Variants in PTPRG observed in about 807,000 individuals in gnomAD.
PTPRG encodes the protein receptor-type tyrosine-protein phosphatase gamma.
A neutral mutation model predicts 165.3 loss-of-function variants in PTPRG; 102 were observed. The ratio of observed to expected loss-of-function variants is 0.62; its 90% CI spans 0.53 to 0.73. The LOEUF (loss-of-function observed/expected upper bound fraction) is 0.73, where lower values mean the gene tolerates loss of function less well. Ranked by LOEUF, PTPRG falls within the 30% of genes least tolerant of loss-of-function variation. The pLI is 0.00. For missense variants in PTPRG, 1,866 were observed against 1,861.4 expected (o/e 1.00, Z -0.05); for synonymous variants, 675 against 669.5 (o/e 1.01, Z -0.13).
At chr3:62,056,910 A>C (rs77686744) in intron 4 of PTPRG, among the ~76,000 whole-genome samples, 2,337 of 152,344 alleles carry the variant, frequency 0.015, 51 homozygotes, top group African/African-American at 0.052. Flanking sequence ...ATTCATGGAC[A>C]CGAGAAGGAG....
At chr3:61,838,407 A>T (rs1338179337) in intron 2 of PTPRG, among the ~76,000 whole-genome samples, 2 of 152,172 alleles carry the variant, frequency 1.3e-5, no homozygotes, top group Non-Finnish European at 1.5e-5. Context: ...TTAGTTTCAA[A>T]ATAAGATGGC....
At chr3:61,658,318 T>C (rs1021102500) in intron 1 of PTPRG, among the ~76,000 whole-genome samples, 5 of 152,238 alleles carry the variant, frequency 3.3e-5, no homozygotes, top group Admixed American at 3.3e-4. Flanking sequence ...GACGGTGTCC[T>C]AGGACAGTGG....
At position 62,195,291 on chromosome 3, in the gene PTPRG, T is replaced by G; in HGVS notation, c.1327+121T>G. The G allele has an allele frequency of 1.1e-6, 1 of 925,402 alleles. No homozygotes were observed. The highest frequency in any genetic ancestry group is 1.5e-5 in the South Asian group (1 of 64,952). The allele number at this position is 925,402 out of a possible 1,614,324, so 57.3% of individuals were successfully genotyped here. A position where few individuals can be genotyped will look rare whatever the true frequency, so the allele number is the denominator to read the frequency against. Reference sequence around the variant, plus strand: ...AACAAGCCTGGCAGAAGAATCAGTGTAGGGTTTTAAAGCCTATGCGGGAAG... The same window carrying G: ...AACAAGCCTGGCAGAAGAATCAGTGGAGGGTTTTAAAGCCTATGCGGGAAG... On this transcript the variant is annotated intron_variant, in intron 10 of 29. Coordinates refer to ENST00000474889, the MANE Select transcript of PTPRG (RefSeq NM_002841.4). The surrounding 1 kb of genome is among the most constrained non-coding windows in gnomAD (Gnocchi z 4.4).
chr3:62,231,258 CAGACGTT>C lies in PTPRG; in HGVS notation c.2323_2329del (p.Arg775SerfsTer86). On this transcript the variant is annotated frameshift_variant, in exon 14 of 30. Coordinates refer to ENST00000474889, the MANE Select transcript of PTPRG (RefSeq NM_002841.4). LOFTEE classifies it high-confidence loss of function. ...ACAAAATAAAGTCCAAGGGCTTTCCCAGACGTTTCCGTGAAGTGCCTTCTTCTGGGGA... is the reference window on the plus strand; with the variant it reads ...ACAAAATAAAGTCCAAGGGCTTTCCCTCCGTGAAGTGCCTTCTTCTGGGGA... The C allele has an allele frequency of 1.3e-6, 2 of 1,592,254 alleles. No individual in the cohort carries two copies. The highest frequency in any genetic ancestry group is 1.7e-6 in the Non-Finnish European group (2 of 1,168,976).
At chr3:61,695,054 A>G (rs2106676665) in intron 1 of PTPRG, among the ~76,000 whole-genome samples, 1 of 150,872 alleles carries the variant, frequency 6.6e-6, no homozygotes. Context: ...CTTGTCATCC[A>G]GGCTGGAGTG....
chr3:61,981,434 T>C (rs1559726959), intron 2 of PTPRG, among the ~76,000 whole-genome samples: 2 of 152,234 alleles, frequency 1.3e-5, no homozygotes, highest in Admixed American at 1.3e-4. Context: ...ATTCCACTAA[T>C]TGCCATATAT....
At chr3:61,813,515 CA>C (rs552214510) in intron 2 of PTPRG, among the ~76,000 whole-genome samples, 174 of 57,906 alleles carry the variant, frequency 3.0e-3, no homozygotes, top group Non-Finnish European at 4.1e-3. Flanking sequence ...GACTCCGTCT[CA>C]AAAAAAAAAA....
At chr3:62,276,460 TGAC>T (rs914659156) in intron 24 of PTPRG, 9 of 158,410 alleles carry the variant, frequency 5.7e-5, no homozygotes, top group African/African-American at 1.9e-4. Context: ...TGATTGGTGG[TGAC>T]CTTTGTATAA....
At chr3:62,066,737 T>C (rs367743442) in intron 4 of PTPRG, among the ~76,000 whole-genome samples, 1 of 152,086 alleles carries the variant, frequency 6.6e-6, no homozygotes, top group East Asian at 1.9e-4. Flanking sequence ...GGTTTATGTG[T>C]ATGGACAAAA....
chr3:61,966,824 G>C (rs2040283967), intron 2 of PTPRG, among the ~76,000 whole-genome samples: 1 of 152,196 alleles, frequency 6.6e-6, no homozygotes, highest in Non-Finnish European at 1.5e-5. Context: ...CACTGGCATA[G>C]CAAGCACTTT....
chr3:61,629,606 G>A (rs1224904086), intron 1 of PTPRG, among the ~76,000 whole-genome samples: 5 of 152,200 alleles, frequency 3.3e-5, no homozygotes, highest in African/African-American at 9.7e-5. Context: ...AAGTCTCCAC[G>A]GTGTAGTAGA....
chr3:62,250,520 T>G (rs1218298035), intron 15 of PTPRG, among the ~76,000 whole-genome samples: 1 of 152,216 alleles, frequency 6.6e-6, no homozygotes, highest in Admixed American at 6.5e-5. Flanking sequence ...GCAAGAAAGC[T>G]GTTTCTCTTT....
At chr3:61,694,868 C>T (rs1452920865) in intron 1 of PTPRG, among the ~76,000 whole-genome samples, 1 of 152,150 alleles carries the variant, frequency 6.6e-6, no homozygotes, top group Non-Finnish European at 1.5e-5. Flanking sequence ...CATTCTCTCT[C>T]TCTCACTCTC....
At chr3:61,981,331 C>T (rs2040639682) in intron 2 of PTPRG, among the ~76,000 whole-genome samples, 1 of 152,224 alleles carries the variant, frequency 6.6e-6, no homozygotes. Flanking sequence ...CAAACCATAT[C>T]ACCCTCTGAA....
intron 14 of PTPRG, among the ~76,000 whole-genome samples, chr3:62,239,041 C>A (rs1245638186): frequency 1.3e-5 from 2 of 152,144 alleles, no homozygotes; most frequent in Non-Finnish European, 2.9e-5. Flanking sequence ...GAGGTGGAAA[C>A]ATGAAATATA....
Position 61,577,315 on chromosome 3 carries a change from A to G in PTPRG, c.85+14943A>G, listed in dbSNP as rs185025675. 1.6e-3 allele frequency among the ~76,000 whole-genome samples: 251 copies of G among 152,314 alleles called. 1 individual carries two copies. Among genetic ancestry groups the G allele is most frequent in the Non-Finnish European group, 2.7e-3 (183 of 68,016 alleles). On this transcript the variant is annotated intron_variant, in intron 1 of 29. Transcript: ENST00000474889. ...GTAATCCCGTATTTGTTTCCTGTAT[A>G]TGAGTTTTTCCACCTCAAGATTCCT...
At chr3:61,589,679 C>T (rs1350478434) in intron 1 of PTPRG, among the ~76,000 whole-genome samples, 3 of 152,062 alleles carry the variant, frequency 2.0e-5, no homozygotes, top group Non-Finnish European at 4.4e-5. Flanking sequence ...GTCTGCGTGT[C>T]AGGATGGCCT....
At chr3:61,588,741 C>T (rs1310913412) in intron 1 of PTPRG, among the ~76,000 whole-genome samples, 6 of 152,124 alleles carry the variant, frequency 3.9e-5, no homozygotes, top group African/African-American at 1.2e-4. Flanking sequence ...CCGCCGCGCC[C>T]GGCCCTAGGA....
intron 1 of PTPRG, among the ~76,000 whole-genome samples, chr3:61,700,387 A>T (rs1003104385): frequency 6.6e-6 from 1 of 152,208 alleles, no homozygotes. Flanking sequence ...GATTTCTCAC[A>T]GTCCTGACTA....
Sources: gnomAD v4.1 joint callset for allele counts (sites outside exome capture counted in the v4.1 genomes callset) on GRCh38, gnomAD v4.1.1 for gene constraint, Gnocchi (gnomAD v3.1) non-coding constraint, MANE v1.5 for transcripts, NCBI Gene and HGNC (gene_info 2026-07-23, HGNC 2026-07-21) for gene names.